The following NEK1 variants were observed in gnomAD, a reference collection of about 807,000 sequenced individuals.
The protein encoded by NEK1 is serine/threonine-protein kinase Nek1.
Under a neutral mutation model 182.1 loss-of-function variants are expected in NEK1, and 137 were observed. The observed-to-expected ratio is 0.75, with a 90% CI of 0.65 to 0.87. NEK1 has a LOEUF of 0.87. Among genes scored for constraint, NEK1 ranks in the 40% least tolerant of loss-of-function variants. The probability of loss-of-function intolerance (pLI) is 0.00; values close to 1 mark genes in which losing one functional copy is unlikely to be tolerated. For synonymous variants in NEK1, 513 were observed against 492.2 expected, an observed-to-expected ratio of 1.04 and a Z score of -0.56; for missense variants, 1,391 against 1,494.4, an observed-to-expected ratio of 0.93 and a Z score of 1.14.
intron 19 of NEK1, among the ~76,000 whole-genome samples, chr4:169,522,642 G>A (rs67022599): frequency 0.041 from 6,250 of 152,292 alleles, 169 homozygotes; most frequent in African/African-American, 0.063. Context: ...CTGCTGTCTT[G>A]TGAGAATGGA....
intron 26 of NEK1, among the ~76,000 whole-genome samples, chr4:169,475,527 C>A (rs1272848817): frequency 6.6e-6 from 1 of 152,026 alleles, no homozygotes; most frequent in Non-Finnish European, 1.5e-5. Context: ...AAAAAAATAC[C>A]TAGCACCCAA....
intron 23 of NEK1, among the ~76,000 whole-genome samples, chr4:169,482,910 C>T (rs994117749): frequency 1.3e-4 from 20 of 152,298 alleles, no homozygotes; most frequent in African/African-American, 4.3e-4. Flanking sequence ...GCTGGGATTA[C>T]AGGCGTGAGC....
At chr4:169,418,320 A>G (rs2111252222) in intron 31 of NEK1, among the ~76,000 whole-genome samples, 1 of 152,340 alleles carries the variant, frequency 6.6e-6, no homozygotes, top group African/African-American at 2.4e-5. Flanking sequence ...TACTCTTTAC[A>G]GGAAGATAGT....
intron 18 of NEK1, among the ~76,000 whole-genome samples, chr4:169,550,380 A>G (rs1165165727): frequency 2.6e-5 from 4 of 152,196 alleles, no homozygotes; most frequent in Non-Finnish European, 5.9e-5. Flanking sequence ...TAGCAGTGTG[A>G]GAACAGACTA....
chr4:169,499,895 C>T lies in NEK1; in HGVS notation c.2007+7142G>A, dbSNP rs374229662. Among the ~76,000 whole-genome samples, 69 of 152,318 alleles carry T rather than the reference C, an allele frequency of 4.5e-4. No individual in the cohort carries two copies. The East Asian group carries it at 9.1e-3, about 20-fold the overall frequency. On this transcript the variant is annotated intron_variant, in intron 23 of 35. Coordinates refer to ENST00000507142, the MANE Select transcript of NEK1 (RefSeq NM_001199397.3). The stretch of plus-strand genomic sequence containing the variant: ...CTGTCCGTTCTCAGATCTGCAGCTG[C>T]GTGCTGGGACAACCACTACTCTCTT...
At chr4:169,590,574 C>T (rs994899039) in intron 6 of NEK1, among the ~76,000 whole-genome samples, 152 bp downstream of exon 6, 4 of 151,832 alleles carry the variant, frequency 2.6e-5, no homozygotes, top group African/African-American at 9.7e-5. Flanking sequence ...AGCAGGAGAT[C>T]TAATACAGGA....
intron 27 of NEK1, among the ~76,000 whole-genome samples, chr4:169,439,752 T>G (rs1454654526): frequency 6.6e-6 from 1 of 151,976 alleles, no homozygotes; most frequent in Admixed American, 6.6e-5. Context: ...CTTAATAGAT[T>G]TAGTAAAAAT....
chr4:169,578,338 C>G (rs1766047157), intron 11 of NEK1, among the ~76,000 whole-genome samples: 1 of 152,202 alleles, frequency 6.6e-6, no homozygotes, highest in Non-Finnish European at 1.5e-5. Context: ...TCAAACTCCC[C>G]TAAAGCCTAA....
At chr4:169,569,965 G>A (rs995838508) in intron 12 of NEK1, among the ~76,000 whole-genome samples, 9 of 151,900 alleles carry the variant, frequency 5.9e-5, no homozygotes, top group African/African-American at 1.9e-4. Flanking sequence ...CGTCTGGGAC[G>A]TGAGGAGCCC....
intron 31 of NEK1, among the ~76,000 whole-genome samples, chr4:169,420,181 ATCACT>A (rs1419323046): frequency 1.3e-5 from 2 of 152,240 alleles, no homozygotes; most frequent in Non-Finnish European, 2.9e-5. Context: ...GATCATCAAC[ATCACT>A]GTCTTCCACC....
intron 18 of NEK1, among the ~76,000 whole-genome samples, chr4:169,538,943 T>G (rs1305661434): frequency 1.3e-5 from 2 of 152,270 alleles, no homozygotes; most frequent in South Asian, 2.1e-4. Context: ...AATATGAAAC[T>G]AAGCTGTAAA....
chr4:169,570,705 T>C (rs1222469988), intron 12 of NEK1, among the ~76,000 whole-genome samples: 1 of 152,136 alleles, frequency 6.6e-6, no homozygotes, highest in Non-Finnish European at 1.5e-5. Flanking sequence ...GAACCAGCTA[T>C]GATGACAGTG....
At chr4:169,507,277 T>G (rs1753468404) in intron 22 of NEK1, 145 bp from the exon 23 acceptor site, 1 of 516,060 alleles carries the variant, frequency 1.9e-6, no homozygotes, top group Admixed American at 3.8e-5. Context: ...AAATGTAAGC[T>G]CACTCTAAAT....
chr4:169,421,108 T>C (rs1307191117), intron 31 of NEK1, among the ~76,000 whole-genome samples: 2 of 152,178 alleles, frequency 1.3e-5, no homozygotes, highest in Non-Finnish European at 2.9e-5. Context: ...TGACCAGTGA[T>C]AAAAGGATTC....
chr4:169,393,662 A>C lies in NEK1; in HGVS notation c.*848T>G, dbSNP rs1358054639. 1 of 152,190 alleles carries C rather than the reference A, an allele frequency of 6.6e-6. No individual in the cohort carries two copies. The highest frequency in any genetic ancestry group is 2.4e-5 in the African/African-American group (1 of 41,452). The allele number at this position is 152,190 out of a possible 1,614,324, so 9.4% of individuals were successfully genotyped here. A position where few individuals can be genotyped will look rare whatever the true frequency, so the allele number is the denominator to read the frequency against. On this transcript the variant is annotated 3_prime_UTR_variant, in exon 36 of 36. Transcript: ENST00000507142. Reference sequence around the variant, plus strand: ...TAGTTACCAAAACTGTCACAGTGTCAAAATAAAAATAATTATTTCCTCCTT... The same window carrying C: ...TAGTTACCAAAACTGTCACAGTGTCCAAATAAAAATAATTATTTCCTCCTT...
At chr4:169,581,272 G>A (rs893206822) in intron 10 of NEK1, among the ~76,000 whole-genome samples, 1 of 151,904 alleles carries the variant, frequency 6.6e-6, no homozygotes, top group Non-Finnish European at 1.5e-5. Flanking sequence ...ATGTATCTGT[G>A]GGTGTATGTT....
Position 169,497,356 on chromosome 4 carries a change from C to T in NEK1, c.2007+9681G>A, listed in dbSNP as rs1751528898. On this transcript the variant is annotated intron_variant, in intron 23 of 35. Transcript: ENST00000507142. ...TTTGTTGATCTTTTCAAAAAACCAG[C>T]TCCTAGATTCACTGATTTTTTGGAG... Among the ~76,000 whole-genome samples the T allele has an allele frequency of 5.9e-5, 9 of 152,282 alleles. 1 individual carries two copies. In the South Asian group the frequency reaches 1.9e-3, roughly 32 times the overall value.
In NEK1 at chr4:169,423,063, A is replaced by C. The variant is rs148780235; in HGVS notation, c.3222+1490T>G. On this transcript the variant is annotated intron_variant, in intron 31 of 35. Transcript: ENST00000507142. ...CATAAGAAAATACTCCACAAAATGAAAGTATACCCAGTTGGAAAATTAAAT... is the reference window on the plus strand; with the variant it reads ...CATAAGAAAATACTCCACAAAATGACAGTATACCCAGTTGGAAAATTAAAT... Among the ~76,000 whole-genome samples, 4 of 152,304 alleles carry C rather than the reference A, an allele frequency of 2.6e-5. No homozygotes were observed. In the East Asian group the frequency reaches 7.7e-4, roughly 29 times the overall value.
intron 32 of NEK1, among the ~76,000 whole-genome samples, chr4:169,402,277 T>G (rs1731819871): frequency 6.6e-6 from 1 of 152,250 alleles, no homozygotes; most frequent in African/African-American, 2.4e-5. Flanking sequence ...TTTGTAATTT[T>G]CAAAATATCC....
Sources: allele counts gnomAD v4.1 joint callset (sites outside exome capture counted in the v4.1 genomes callset), GRCh38; gene constraint gnomAD v4.1.1; transcripts MANE v1.5; gene names NCBI Gene and HGNC (gene_info 2026-07-23, HGNC 2026-07-21).